Variants in TNRC6B observed in about 807,000 individuals in gnomAD.
TNRC6B encodes the protein trinucleotide repeat-containing gene 6B protein.
In TNRC6B, 52 loss-of-function variants were observed where a neutral mutation model predicts 203.6. The observed-to-expected ratio is 0.26, with a 90% CI of 0.20 to 0.32. The LOEUF (loss-of-function observed/expected upper bound fraction) is 0.32. Among genes scored for constraint, TNRC6B ranks in the 10% least tolerant of loss-of-function variants. The pLI is 1.00. For missense variants in TNRC6B, 1,923 were observed against 2,286.2 expected, an observed-to-expected ratio of 0.84 and a Z score of 3.24; for synonymous variants, 838 against 845.7, an observed-to-expected ratio of 0.99 and a Z score of 0.16.
At chr22:40,054,780 G>A (rs1009669523) in intron 1 of TNRC6B, among the ~76,000 whole-genome samples, 3 of 151,962 alleles carry the variant, frequency 2.0e-5, no homozygotes, top group Non-Finnish European at 2.9e-5. Context: ...GCTCATGCAT[G>A]TAATGCCAGC....
rs1458536054 is a variant in TNRC6B at position 40,177,957 on chromosome 22, A to G, written c.-179A>G. Reference sequence around the variant, plus strand: ...GAGAGGGAGAGAGAGAGCAAGAGGGAGAGTGTGTGAGAGAGAGTTAGTTCA... The same window carrying G: ...GAGAGGGAGAGAGAGAGCAAGAGGGGGAGTGTGTGAGAGAGAGTTAGTTCA... On this transcript the variant is annotated 5_prime_UTR_variant, in exon 1 of 23. Coordinates refer to ENST00000454349, the MANE Select transcript of TNRC6B (RefSeq NM_001162501.2). The G allele has an allele frequency of 4.9e-6, 7 of 1,420,654 alleles. No homozygotes were observed. The highest frequency in any genetic ancestry group is 1.5e-5 in the African/African-American group (1 of 68,442). The allele number at this position is 1,420,654 out of a possible 1,614,324, so 88.0% of individuals were successfully genotyped here. A position where few individuals can be genotyped will look rare whatever the true frequency, so the allele number is the denominator to read the frequency against.
At chr22:40,107,986 T>C (rs1216358566) in intron 1 of TNRC6B, among the ~76,000 whole-genome samples, 1 of 151,552 alleles carries the variant, frequency 6.6e-6, no homozygotes, top group Non-Finnish European at 1.5e-5. Flanking sequence ...AGGAACAGAA[T>C]AGCAAACTCA....
chr22:40,197,464 T>C (rs1011293445), intron 1 of TNRC6B, among the ~76,000 whole-genome samples: 1 of 151,962 alleles, frequency 6.6e-6, no homozygotes, highest in African/African-American at 2.4e-5. Flanking sequence ...ATTTTTTGTA[T>C]TTTTAGTAGA....
intron 1 of TNRC6B, among the ~76,000 whole-genome samples, chr22:40,209,295 G>A (rs1437043743): frequency 2.6e-5 from 4 of 152,076 alleles, no homozygotes; most frequent in Non-Finnish European, 5.9e-5. Context: ...TTTAGTTAAT[G>A]GATAGTAAGA....
At chr22:40,135,072 G>C (rs1568993866) in intron 3 of TNRC6B, among the ~76,000 whole-genome samples, 2 of 152,218 alleles carry the variant, frequency 1.3e-5, no homozygotes, top group Non-Finnish European at 2.9e-5. Context: ...AGACCAACTT[G>C]AGGCTGTTGA....
At position 40,157,285 on chromosome 22, in the gene TNRC6B, T is replaced by G. The variant is rs568952485; in HGVS notation, c.113+1103T>G. ...ATTTTTTATTCAGACATTAGTCTCC[T>G]AAATTGAATGGGCCAGTGATTATGG... On this transcript the variant is annotated intron_variant, in intron 4 of 23. Transcript: ENST00000301923. Among the ~76,000 whole-genome samples the G allele has an allele frequency of 2.6e-4, 30 of 115,868 alleles. No individual in the cohort carries two copies. In the South Asian group the frequency reaches 9.5e-3, roughly 37 times the overall value. 76.0% of individuals were successfully genotyped at this position (115,868 alleles called of 152,430 possible).
At chr22:40,253,375 C>T (rs1390847399) in intron 3 of TNRC6B, among the ~76,000 whole-genome samples, 2 of 151,732 alleles carry the variant, frequency 1.3e-5, no homozygotes, top group East Asian at 3.9e-4. Flanking sequence ...CAGGTGTGAG[C>T]CGCTGCACCC....
intron 3 of TNRC6B, among the ~76,000 whole-genome samples, chr22:40,132,732 A>G (rs534477359): frequency 6.7e-6 from 1 of 150,290 alleles, no homozygotes; most frequent in East Asian, 2.0e-4. Context: ...TCACGAGGTC[A>G]GGAGATCGAG....
intron 1 of TNRC6B, among the ~76,000 whole-genome samples, chr22:40,226,533 C>A (rs889834528): frequency 2.0e-5 from 3 of 152,144 alleles, no homozygotes; most frequent in African/African-American, 4.8e-5. Flanking sequence ...ACATAAAATT[C>A]TTGGTTTTTT....
chr22:40,131,198 G>A (rs142015641), intron 3 of TNRC6B, among the ~76,000 whole-genome samples: 12 of 152,074 alleles, frequency 7.9e-5, no homozygotes, highest in Admixed American at 7.9e-4. Flanking sequence ...GGGATTACAG[G>A]CTGAGCCACT....
chr22:40,279,990 T>C lies in TNRC6B; in HGVS notation c.3263-5T>C, dbSNP rs1273469916. On this transcript the variant is annotated splice_region_variant and splice_polypyrimidine_tract_variant and intron_variant, in intron 9 of 22. Transcript: ENST00000454349. ...AATTTTCACTCTGTGTATGCTACTT[T>C]TCAGGAAGCCTTTCAGATAAAAAAT... The C allele has an allele frequency of 1.2e-6, 2 of 1,613,780 alleles. No homozygotes were observed. Among genetic ancestry groups the C allele is most frequent in the African/African-American group, 2.7e-5 (2 of 74,982 alleles).
chr22:40,146,014 C>T (rs1271380980), intron 3 of TNRC6B, among the ~76,000 whole-genome samples: 2 of 152,076 alleles, frequency 1.3e-5, no homozygotes, highest in African/African-American at 2.4e-5. Flanking sequence ...ATAGTGGAAA[C>T]TGTGAGATTA....
chr22:40,207,975 A>T, intron 1 of TNRC6B, among the ~76,000 whole-genome samples: 1 of 151,666 alleles, frequency 6.6e-6, no homozygotes, highest in Middle Eastern at 3.4e-3. Context: ...TTAGCCGGGC[A>T]TGGTGGCGGG....
intron 3 of TNRC6B, among the ~76,000 whole-genome samples, chr22:40,150,698 T>C (rs535358992): frequency 1.3e-5 from 2 of 152,324 alleles, no homozygotes; most frequent in East Asian, 3.9e-4. Flanking sequence ...GGCTACATGC[T>C]GACATATGAG....
intron 1 of TNRC6B, among the ~76,000 whole-genome samples, chr22:40,089,157 A>T (rs1222784608): frequency 6.6e-6 from 1 of 152,224 alleles, no homozygotes; most frequent in Non-Finnish European, 1.5e-5. Flanking sequence ...CAGATTCCCA[A>T]CATGGGTGAA....
intron 3 of TNRC6B, among the ~76,000 whole-genome samples, chr22:40,152,106 A>T (rs2068763138): frequency 2.6e-5 from 4 of 152,222 alleles, no homozygotes; most frequent in Admixed American, 2.6e-4. Flanking sequence ...ACTAAGGATA[A>T]ATGAAAGCTC....
intron 1 of TNRC6B, among the ~76,000 whole-genome samples, chr22:40,197,664 G>A (rs1267147781): frequency 6.7e-6 from 1 of 149,746 alleles, no homozygotes; most frequent in African/African-American, 2.5e-5. Context: ...GTGCAGTGGT[G>A]CGATTCATAG....
At chr22:40,085,129 T>G (rs1237289707) in intron 1 of TNRC6B, among the ~76,000 whole-genome samples, 1 of 152,182 alleles carries the variant, frequency 6.6e-6, no homozygotes, top group Non-Finnish European at 1.5e-5. Context: ...GGAGAGGAAC[T>G]CCAGCTAACA....
rs1327745576 is a variant in TNRC6B at position 40,109,140 on chromosome 22, T to C, written c.-120-7915T>C. Among the ~76,000 whole-genome samples the C allele has an allele frequency of 2.0e-5, 3 of 152,222 alleles. No homozygotes were observed. The East Asian group carries it at 5.8e-4, about 29-fold the overall frequency. On this transcript the variant is annotated intron_variant, in intron 1 of 23. Transcript: ENST00000301923. The stretch of plus-strand genomic sequence containing the variant: ...ATTCCTCTTTATGGCTGCATAGTAT[T>C]CCATGATGTATATGTACCACATTTT...
Sources: gnomAD v4.1 joint callset for allele counts (sites outside exome capture counted in the v4.1 genomes callset) on GRCh38, gnomAD v4.1.1 for gene constraint, MANE v1.5 for transcripts, NCBI Gene and HGNC (gene_info 2026-07-23, HGNC 2026-07-21) for gene names.